The following E2F2 variants were observed in gnomAD, a reference collection of about 807,000 sequenced individuals.
E2F2 encodes the protein transcription factor E2F2.
In E2F2, 22 loss-of-function variants were observed where a neutral mutation model predicts 42.2. The observed-to-expected ratio is 0.52, with a 90% CI of 0.37 to 0.74. The LOEUF is 0.74. Among genes scored for constraint, E2F2 ranks in the 30% least tolerant of loss-of-function variants. The pLI is 0.00. For missense variants in E2F2, 481 were observed against 557.8 expected (o/e 0.86, Z 1.39); for synonymous variants, 248 against 251.6 (o/e 0.99, Z 0.13).
At position 23,516,555 on chromosome 1, in the gene E2F2, T is replaced by G. The variant is rs904042661; in HGVS notation, c.853-28A>C. On this transcript the variant is annotated intron_variant, in intron 5 of 6. Transcript: ENST00000361729. ...GGAGGAGGAAGAGAAGCCAGGTCATTGCTCTGGGCAGCTGGACACTTACAC... is the reference window on the plus strand; with the variant it reads ...GGAGGAGGAAGAGAAGCCAGGTCATGGCTCTGGGCAGCTGGACACTTACAC... The G allele has an allele frequency of 2.5e-6, 4 of 1,569,406 alleles. No individual in the cohort carries two copies. The African/African-American group carries it at 5.5e-5, about 21-fold the overall frequency.
chr1:23,505,955 C>G (rs1642788039), downstream of E2F2, among the ~76,000 whole-genome samples: 1 of 152,130 alleles, frequency 6.6e-6, no homozygotes, highest in South Asian at 2.1e-4. Context: ...GCCACCAAGC[C>G]CGGCTAATTT....
intron 6 of E2F2, 59 bp from the exon 7 acceptor site, chr1:23,510,207 A>AATAGACTTCACC: frequency 2.7e-6 from 4 of 1,469,034 alleles, no homozygotes; most frequent in Non-Finnish European, 3.6e-6. Flanking sequence ...TCAGCACGCG[A>AATAGACTTCACC]GGACAGACTT....
chr1:23,510,093 G>A lies in E2F2; in HGVS notation c.1101C>T (p.Pro367=). 1 of 1,606,452 alleles carries A rather than the reference G, an allele frequency of 6.2e-7. No homozygotes were observed. The highest frequency in any genetic ancestry group is 8.5e-7 in the Non-Finnish European group (1 of 1,177,344). The change falls in exon 7 of 7, where the codon CCC becomes CCT. Residue 367 remains proline (P), a synonymous_variant. Coordinates refer to ENST00000361729, the MANE Select transcript of E2F2 (RefSeq NM_004091.4). ...CCAGCAGGCTGTCAGTAGCCTCCAA[G>A]GGGACCAGGGATGGAGGCGGTGGGG... ...QQAPPPPSLV[P]LEATDSLLEL...
intron 6 of E2F2, among the ~76,000 whole-genome samples, chr1:23,515,352 G>A (rs368862222): frequency 1.3e-5 from 2 of 152,100 alleles, no homozygotes; most frequent in African/African-American, 4.8e-5. Flanking sequence ...TTCCATCAGG[G>A]GTAGCCAGCT....
chr1:23,526,950 C>G (rs910710806), intron 1 of E2F2, among the ~76,000 whole-genome samples: 1 of 152,188 alleles, frequency 6.6e-6, no homozygotes, highest in Non-Finnish European at 1.5e-5. Context: ...CGGCAAGTGT[C>G]CCCCTAAGGA....
chr1:23,507,561 A>C lies in E2F2; in HGVS notation c.*2319T>G, dbSNP rs1280092568. 1.3e-5 allele frequency: 2 copies of C among 152,584 alleles called. No homozygotes were observed. The highest frequency in any genetic ancestry group is 4.8e-5 in the African/African-American group (2 of 41,442). The allele number at this position is 152,584 out of a possible 1,614,324, so 9.5% of individuals were successfully genotyped here. ...AAAAAAGAAAAGAAAATACCACTCAAAATGTGTCCTGAAGCACTCTGTGGA... is the reference window on the plus strand; with the variant it reads ...AAAAAAGAAAAGAAAATACCACTCACAATGTGTCCTGAAGCACTCTGTGGA... On this transcript the variant is annotated 3_prime_UTR_variant, in exon 7 of 7. Transcript: ENST00000361729.
In E2F2 at chr1:23,524,346, C is replaced by A. The variant is rs925034704; in HGVS notation, c.358+37G>T. On this transcript the variant is annotated intron_variant, in intron 2 of 6. Coordinates refer to ENST00000361729, the MANE Select transcript of E2F2 (RefSeq NM_004091.4). The stretch of plus-strand genomic sequence containing the variant: ...GCAGGGCACTGCCCTCTGCCCCTGC[C>A]CCACCCCACCCCAGAGGCCCCATCA... The A allele has an allele frequency of 5.3e-6, 8 of 1,518,400 alleles. No individual in the cohort carries two copies. The African/African-American group carries it at 9.7e-5, about 18-fold the overall frequency. 94.1% of individuals were successfully genotyped at this position (1,518,400 alleles called of 1,614,324 possible). A position where few individuals can be genotyped will look rare whatever the true frequency, so the allele number is the denominator to read the frequency against.
chr1:23,513,561 C>CGTGTGTGTGTGTGTGTGTGTGT (rs1558237706), intron 6 of E2F2, among the ~76,000 whole-genome samples: 1 of 115,936 alleles, frequency 8.6e-6, no homozygotes, highest in African/African-American at 3.1e-5. Flanking sequence ...CAGCACGGAA[C>CGTGTGTGTGTGTGTGTGTGTGT]ATGTGTGTGT....
chr1:23,512,045 G>C (rs977615521), intron 6 of E2F2, among the ~76,000 whole-genome samples: 1 of 151,910 alleles, frequency 6.6e-6, no homozygotes. Context: ...TAAAAATACA[G>C]AAATTCGCTG....
At chr1:23,515,022 G>T (rs1642992056) in intron 6 of E2F2, among the ~76,000 whole-genome samples, 1 of 152,138 alleles carries the variant, frequency 6.6e-6, no homozygotes, top group African/African-American at 2.4e-5. Flanking sequence ...TAACCTCTGA[G>T]TTAGAGAAAT....
chr1:23,509,756 G>T lies in E2F2; in HGVS notation c.*124C>A, dbSNP rs1226019903. On this transcript the variant is annotated 3_prime_UTR_variant, in exon 7 of 7. Transcript: ENST00000361729. ...TTCTGCCGGCTGGGGCAGGAAAGGC[G>T]AGGAGACCCCATGCCCTGAGGGCAG... 2 of 1,407,252 alleles carry T rather than the reference G, an allele frequency of 1.4e-6. No homozygotes were observed. Among genetic ancestry groups the T allele is most frequent in the South Asian group, 1.7e-5 (1 of 60,146 alleles). 87.2% of individuals were successfully genotyped at this position (1,407,252 alleles called of 1,614,324 possible). A position where few individuals can be genotyped will look rare whatever the true frequency, so the allele number is the denominator to read the frequency against.
intron 6 of E2F2, 44 bp from the exon 7 acceptor site, chr1:23,510,192 A>C (rs1242695143): frequency 6.7e-7 from 1 of 1,495,764 alleles, no homozygotes; most frequent in South Asian, 1.3e-5. Flanking sequence ...CTAGCATCCA[A>C]CTCCTCAGCA....
chr1:23,511,648 A>C (rs1301297607), intron 6 of E2F2, among the ~76,000 whole-genome samples: 1 of 152,200 alleles, frequency 6.6e-6, no homozygotes, highest in African/African-American at 2.4e-5. Context: ...CCCACATTGC[A>C]GTCACTCCTT....
rs1570450755 is a variant in E2F2 at position 23,509,616 on chromosome 1, AGAG to A, written c.*261_*263del. The A allele has an allele frequency of 2.1e-6, 1 of 476,618 alleles. No individual in the cohort carries two copies. The highest frequency in any genetic ancestry group is 4.4e-5 in the East Asian group (1 of 22,604). The allele number at this position is 476,618 out of a possible 1,614,324, so 29.5% of individuals were successfully genotyped here. A position where few individuals can be genotyped will look rare whatever the true frequency, so the allele number is the denominator to read the frequency against. ...CCACCTCACCTGCAGCCTTCTTGTG[AGAG>A]GTCAGAAGTCAGAAGACTGGATGGG... On this transcript the variant is annotated 3_prime_UTR_variant, in exon 7 of 7. Transcript: ENST00000361729.
At chr1:23,528,945 G>A (rs1473194801) in intron 1 of E2F2, among the ~76,000 whole-genome samples, 5 of 152,228 alleles carry the variant, frequency 3.3e-5, no homozygotes, top group African/African-American at 1.2e-4. Context: ...AGAGTAGCTA[G>A]CTCATGCCTG....
At chr1:23,524,544 T>C (rs943883201) in intron 1 of E2F2, 56 bp from the exon 2 acceptor site, 9 of 1,537,130 alleles carry the variant, frequency 5.9e-6, no homozygotes, top group Non-Finnish European at 8.0e-6. Flanking sequence ...TCCTTTAGCC[T>C]TTCCCTGATG....
At chr1:23,510,771 G>T (rs1642894180) in intron 6 of E2F2, among the ~76,000 whole-genome samples, 1 of 152,188 alleles carries the variant, frequency 6.6e-6, no homozygotes, top group Non-Finnish European at 1.5e-5. Flanking sequence ...TAGAAGGGTG[G>T]TTGTCAGGGG....
intron 4 of E2F2, among the ~76,000 whole-genome samples, chr1:23,519,937 G>C (rs548847014): frequency 6.6e-6 from 1 of 152,156 alleles, no homozygotes; most frequent in East Asian, 1.9e-4. Context: ...AATTAGCCGG[G>C]TGTGGTGGCA....
chr1:23,526,394 G>A (rs1328431112), intron 1 of E2F2, among the ~76,000 whole-genome samples: 1 of 151,996 alleles, frequency 6.6e-6, no homozygotes, highest in Non-Finnish European at 1.5e-5. Flanking sequence ...TCCTGACCAA[G>A]GCTGCACATC....
Sources: gnomAD v4.1 joint callset for allele counts (sites outside exome capture counted in the v4.1 genomes callset) on GRCh38, gnomAD v4.1.1 for gene constraint, MANE v1.5 for transcripts, NCBI Gene and HGNC (gene_info 2026-07-23, HGNC 2026-07-21) for gene names.